The following ACVR1B variants were observed in gnomAD, a reference collection of about 807,000 sequenced individuals.
ACVR1B encodes the protein activin A receptor type 1B, also known as activin receptor type-1B.
ACVR1B carries 15 observed loss-of-function variants against 55.6 expected under a neutral mutation model. The ratio of observed to expected loss-of-function variants is 0.27; its 90% CI spans 0.18 to 0.42. ACVR1B has a LOEUF of 0.42. ACVR1B is among the 10% of genes least tolerant of loss of function. ACVR1B has a pLI of 1.00. For synonymous variants in ACVR1B, 247 were observed against 254.6 expected (o/e 0.97, Z 0.28); for missense variants, 359 against 670.1 (o/e 0.54, Z 5.13).
chr12:51,956,707 G>A (rs116693701), intron 1 of ACVR1B, among the ~76,000 whole-genome samples: 2 of 152,114 alleles, frequency 1.3e-5, no homozygotes. Context: ...AGGTTCCTGC[G>A]AGCCTCTGGT....
chr12:51,992,295 A>G, intron 8 of ACVR1B: 1 of 459,266 alleles, frequency 2.2e-6, no homozygotes. Context: ...GCTTGAGCTC[A>G]GAAGTTCGAG....
chr12:51,965,033 A>G (rs1000467648), intron 1 of ACVR1B, among the ~76,000 whole-genome samples: 2 of 152,108 alleles, frequency 1.3e-5, no homozygotes, highest in African/African-American at 2.4e-5. Context: ...TAGGGATTGT[A>G]TTGACTCTCA....
chr12:51,990,898 T>C (rs1942178524), intron 7 of ACVR1B, among the ~76,000 whole-genome samples: 1 of 152,188 alleles, frequency 6.6e-6, no homozygotes, highest in Admixed American at 6.5e-5. Flanking sequence ...TCCTATGAAT[T>C]GGTAGTTAGA....
chr12:51,969,941 G>T (rs1428020638), intron 1 of ACVR1B, among the ~76,000 whole-genome samples: 2 of 152,098 alleles, frequency 1.3e-5, no homozygotes, highest in Non-Finnish European at 2.9e-5. Context: ...TAGGGATAAA[G>T]CACCACTTCC....
chr12:51,971,805 A>G (rs924967708), intron 1 of ACVR1B, among the ~76,000 whole-genome samples: 115 of 152,326 alleles, frequency 7.5e-4, no homozygotes, highest in African/African-American at 2.7e-3. Flanking sequence ...GTGTGAACTT[A>G]AAAACAAAAC....
chr12:51,979,490 T>C (rs1941937964), intron 3 of ACVR1B, among the ~76,000 whole-genome samples: 1 of 146,356 alleles, frequency 6.8e-6, no homozygotes, highest in African/African-American at 2.5e-5. Flanking sequence ...AAAAGGAGTC[T>C]TGAAGAATGA....
rs1411625088 is a variant in ACVR1B at position 51,995,419 on chromosome 12, C to G, written c.*1309C>G. 6.6e-6 allele frequency: 1 copy of G among 152,460 alleles called. No individual in the cohort carries two copies. Among genetic ancestry groups the G allele is most frequent in the African/African-American group, 2.4e-5 (1 of 41,412 alleles). 9.4% of individuals were successfully genotyped at this position (152,460 alleles called of 1,614,324 possible). On this transcript the variant is annotated 3_prime_UTR_variant, in exon 9 of 9. Transcript: ENST00000257963. ...ACTTCAGGAGCCCTACTGAAGGGAA[C>G]AGCCTGAGCCGAACATGTTATTTAA...
chr12:51,991,556 C>A (rs1942191099), intron 7 of ACVR1B, among the ~76,000 whole-genome samples: 1 of 152,230 alleles, frequency 6.6e-6, no homozygotes, highest in African/African-American at 2.4e-5. Context: ...TGTTTGCCAC[C>A]ATGCCTGGTT....
At chr12:51,968,636 G>A (rs1216600212) in intron 1 of ACVR1B, among the ~76,000 whole-genome samples, 1 of 152,140 alleles carries the variant, frequency 6.6e-6, no homozygotes, top group African/African-American at 2.4e-5. Context: ...ATGCTTTCTG[G>A]TATCTAAGGC....
intron 3 of ACVR1B, among the ~76,000 whole-genome samples, chr12:51,977,783 A>ATTTTT (rs748536892): frequency 3.9e-5 from 4 of 103,314 alleles, no homozygotes; most frequent in African/African-American, 1.2e-4. Context: ...AAGCCTGGCA[A>ATTTTT]TTTTTTTTTT....
At chr12:51,956,531 G>GT (rs1941411077) in intron 1 of ACVR1B, among the ~76,000 whole-genome samples, 1 of 152,188 alleles carries the variant, frequency 6.6e-6, no homozygotes, top group Non-Finnish European at 1.5e-5. Context: ...AGGATGCTGT[G>GT]CCATAGTGTG....
chr12:51,969,532 A>G (rs1394618647), intron 1 of ACVR1B, among the ~76,000 whole-genome samples: 2 of 152,242 alleles, frequency 1.3e-5, no homozygotes, highest in Non-Finnish European at 2.9e-5. Flanking sequence ...AAAACATTAT[A>G]CTACCCACTC....
rs1941823662 is a variant in ACVR1B, at chr12:51,975,128, G to C, written c.92-137G>C. 3 of 1,220,910 alleles carry C rather than the reference G, an allele frequency of 2.5e-6. No individual in the cohort carries two copies. In the East Asian group the frequency reaches 7.2e-5, roughly 29 times the overall value. 75.6% of individuals were successfully genotyped at this position (1,220,910 alleles called of 1,614,324 possible). ...ACAGGTGAAGTTGTGCTCAGTTAAG[G>C]ATATCTTTTTGGCCCCATCTCTATA... On this transcript the variant is annotated intron_variant, in intron 1 of 8. Coordinates refer to ENST00000257963, the MANE Select transcript of ACVR1B (RefSeq NM_004302.5).
At chr12:51,984,308 G>A in intron 5 of ACVR1B, 142 bp downstream of exon 5, 2 of 1,020,586 alleles carry the variant, frequency 2.0e-6, no homozygotes, top group South Asian at 3.4e-5. Flanking sequence ...AGGAAAGGAG[G>A]TTTGAGCTTC....
At chr12:51,973,277 C>T (rs1341889879) in intron 1 of ACVR1B, among the ~76,000 whole-genome samples, 1 of 152,184 alleles carries the variant, frequency 6.6e-6, no homozygotes, top group Non-Finnish European at 1.5e-5. Flanking sequence ...CAGAATAGTC[C>T]TCTCTTGAAG....
intron 8 of ACVR1B, 103 bp downstream of exon 8, chr12:51,992,096 G>C (rs372942105): frequency 7.5e-6 from 11 of 1,459,660 alleles, no homozygotes; most frequent in Non-Finnish European, 9.5e-6. Context: ...CCCCCTGAGA[G>C]TGTCAGTTAT....
chr12:51,967,653 T>G (rs949561058), intron 1 of ACVR1B, among the ~76,000 whole-genome samples: 6 of 152,232 alleles, frequency 3.9e-5, no homozygotes, highest in Non-Finnish European at 2.9e-5. Context: ...TGGCATTTAA[T>G]TGTACACTTA....
At chr12:51,985,408 C>T (rs1337437822) in intron 6 of ACVR1B, 60 bp downstream of exon 6, 1 of 1,533,176 alleles carries the variant, frequency 6.5e-7, no homozygotes, top group Non-Finnish European at 8.8e-7. Context: ...CCCATCTGTG[C>T]CGTTTCCCAT....
At chr12:51,978,253 G>A (rs1032734849) in intron 3 of ACVR1B, among the ~76,000 whole-genome samples, 2 of 152,112 alleles carry the variant, frequency 1.3e-5, no homozygotes, top group African/African-American at 4.8e-5. Flanking sequence ...CTAGAGGAGG[G>A]TAGATTGGGT....
Sources: gnomAD v4.1 joint callset for allele counts (sites outside exome capture counted in the v4.1 genomes callset) on GRCh38, gnomAD v4.1.1 for gene constraint, MANE v1.5 for transcripts, NCBI Gene and HGNC (gene_info 2026-07-23, HGNC 2026-07-21) for gene names.